The following RBFOX1 variants were observed in gnomAD, a reference collection of about 807,000 sequenced individuals.
RBFOX1 encodes RNA binding protein fox-1 homolog 1.
A neutral mutation model predicts 57.7 loss-of-function variants in RBFOX1; 8 were observed. That is an observed-to-expected ratio of 0.14 (90% CI 0.08 to 0.25). RBFOX1 has a LOEUF of 0.25. RBFOX1 is among the 10% of genes least tolerant of loss of function. The probability of loss-of-function intolerance (pLI) is 1.00; values close to 1 mark genes in which losing one functional copy is unlikely to be tolerated. For synonymous variants in RBFOX1, 326 were observed against 222.4 expected (o/e 1.47, Z -4.15); for missense variants, 611 against 548.5 (o/e 1.11, Z -1.14).
intron 3 of RBFOX1, among the ~76,000 whole-genome samples, chr16:6,788,020 C>T (rs1033184691): frequency 2.6e-5 from 4 of 151,962 alleles, no homozygotes; most frequent in Non-Finnish European, 2.9e-5. Context: ...GTCAGGAGTT[C>T]GAGACCAGCC....
chr16:5,949,921 G>C (rs1408569610), intron 4 of RBFOX1, among the ~76,000 whole-genome samples: 2 of 152,130 alleles, frequency 1.3e-5, no homozygotes, highest in Non-Finnish European at 2.9e-5. Flanking sequence ...CATAATCTGG[G>C]CCTCTCTGAC....
At chr16:6,923,884 C>G (rs376360528) in intron 3 of RBFOX1, among the ~76,000 whole-genome samples, 13 of 152,090 alleles carry the variant, frequency 8.5e-5, no homozygotes, top group African/African-American at 2.9e-4. Flanking sequence ...AAAGAAATAC[C>G]TGAAGGTCAG....
chr16:6,429,097 T>C (rs2094007645), intron 2 of RBFOX1, among the ~76,000 whole-genome samples: 1 of 152,176 alleles, frequency 6.6e-6, no homozygotes, highest in South Asian at 2.1e-4. Context: ...TGTGGGGGAT[T>C]AAGGAGCATA....
chr16:6,932,113 T>G lies in RBFOX1; in HGVS notation c.-15-119944T>G, dbSNP rs74588335. On this transcript the variant is annotated intron_variant, in intron 3 of 15. Transcript: ENST00000550418. ...GTTGTTGTTGTTTTTTGTTGCTGTT[T>G]TTGTTTTTTCAGATGGCATCCCATC... Among the ~76,000 whole-genome samples the G allele has an allele frequency of 6.4e-3, 978 of 152,246 alleles. 14 individuals are homozygous for G. The highest frequency in any genetic ancestry group is 0.023 in the African/African-American group (935 of 41,550).
intron 2 of RBFOX1, among the ~76,000 whole-genome samples, chr16:6,653,236 C>T (rs1165258204): frequency 6.6e-6 from 1 of 152,110 alleles, no homozygotes; most frequent in African/African-American, 2.4e-5. Context: ...ATTTCCCACC[C>T]CCTTCTCCTT....
In RBFOX1 at chr16:6,019,382, G is replaced by C. The variant is rs549768290; in HGVS notation, c.-737G>C. ...GTGGGACTGGCTGCGCTGCCCTGAAGTGGTTCTCCAAGCAGCGCGGAGGGT... is the reference window on the plus strand; with the variant it reads ...GTGGGACTGGCTGCGCTGCCCTGAACTGGTTCTCCAAGCAGCGCGGAGGGT... On this transcript the variant is annotated 5_prime_UTR_variant, in exon 1 of 16. Coordinates refer to ENST00000550418, the MANE Select transcript of RBFOX1 (RefSeq NM_018723.4). The surrounding 1 kb of genome is among the most constrained non-coding windows in gnomAD (Gnocchi z 4.2). The C allele has an allele frequency of 2.6e-4, 258 of 985,850 alleles. 1 individual carries two copies. In the African/African-American group the frequency reaches 4.2e-3, roughly 16 times the overall value. 61.1% of individuals were successfully genotyped at this position (985,850 alleles called of 1,614,324 possible).
rs369364823 is a variant in RBFOX1, at chr16:5,620,110, G to A, written c.318+21149G>A. 4.6e-5 allele frequency among the ~76,000 whole-genome samples: 7 copies of A among 152,202 alleles called. No individual in the cohort carries two copies. In the East Asian group the frequency reaches 1.4e-3, roughly 29 times the overall value. On this transcript the variant is annotated intron_variant, in intron 3 of 19. Coordinates refer to the RBFOX1 transcript ENST00000641259. The stretch of plus-strand genomic sequence containing the variant: ...TTACTTTCCTAGTTCAGCAGAAAGT[G>A]AACATTACAGTCAGGTGGCAATGTT...
At chr16:5,845,173 T>C (rs1057225083) in intron 3 of RBFOX1, among the ~76,000 whole-genome samples, 1 of 151,658 alleles carries the variant, frequency 6.6e-6, no homozygotes, top group South Asian at 2.1e-4. Context: ...ACAGGAGATG[T>C]AGGACAGCAA....
intron 2 of RBFOX1, chr16:6,483,301 C>A: frequency 7.2e-7 from 1 of 1,398,558 alleles, no homozygotes; most frequent in African/African-American, 1.5e-5. Flanking sequence ...TGCTCGCTCT[C>A]GCGCCCGCGC....
rs542292985 is a variant in RBFOX1, at chr16:5,908,099, C to CAT, written c.351+40774_351+40775dup. Among the ~76,000 whole-genome samples, 611 of 137,670 alleles carry CAT rather than the reference C, an allele frequency of 4.4e-3. 11 individuals are homozygous for CAT. The highest frequency in any genetic ancestry group is 6.0e-3 in the Non-Finnish European group (400 of 66,554). 90.3% of individuals were successfully genotyped at this position (137,670 alleles called of 152,430 possible). On this transcript the variant is annotated intron_variant, in intron 4 of 19. Transcript: ENST00000641259. ...ATATATATATATACACATATATACA[C>CAT]ATATATATATACACATATATACACA... is the stretch of plus-strand genomic sequence containing the variant.
chr16:6,997,586 A>G (rs74431846), intron 3 of RBFOX1, among the ~76,000 whole-genome samples: 10,584 of 152,264 alleles, frequency 0.07, 1,197 homozygotes, highest in African/African-American at 0.24. Flanking sequence ...TTTAAGATAC[A>G]AAAGATAGAC....
intron 4 of RBFOX1, among the ~76,000 whole-genome samples, chr16:7,209,651 A>G (rs1259008434): frequency 6.6e-6 from 1 of 152,170 alleles, no homozygotes; most frequent in African/African-American, 2.4e-5. Flanking sequence ...TTGAGCACTT[A>G]AGTCGCATTT....
chr16:5,796,564 C>T (rs1473909363), intron 3 of RBFOX1, among the ~76,000 whole-genome samples: 1 of 102,078 alleles, frequency 9.8e-6, no homozygotes, highest in African/African-American at 5.8e-5. Flanking sequence ...TGTCTCCACA[C>T]CCTGATGATG....
chr16:6,175,388 C>CATT (rs1391890261), intron 1 of RBFOX1, among the ~76,000 whole-genome samples: 6 of 152,064 alleles, frequency 3.9e-5, no homozygotes, highest in Non-Finnish European at 7.4e-5. Flanking sequence ...TTATGATGCG[C>CATT]ATTAGTATGT....
intron 4 of RBFOX1, among the ~76,000 whole-genome samples, chr16:5,966,298 G>A (rs1043603242): frequency 2.6e-5 from 4 of 152,134 alleles, no homozygotes; most frequent in Non-Finnish European, 1.5e-5. Context: ...GGTTTCATTG[G>A]CTCATGGTTC....
Position 7,305,906 on chromosome 16 carries a change from T to C in RBFOX1, c.28-212241T>C, listed in dbSNP as rs555133849. ...TATGCTTCATCTTCCACAATTTCTG[T>C]GCCTTTGCTGTGGGTGTGTGTGTAA... On this transcript the variant is annotated intron_variant, in intron 4 of 15. Coordinates refer to ENST00000550418, the MANE Select transcript of RBFOX1 (RefSeq NM_018723.4). Among the ~76,000 whole-genome samples the C allele has an allele frequency of 1.3e-3, 194 of 152,334 alleles. 1 individual carries two copies. The highest frequency in any genetic ancestry group is 3.4e-3 in the Middle Eastern group (1 of 294).
intron 4 of RBFOX1, among the ~76,000 whole-genome samples, chr16:7,086,817 G>C (rs1056665121): frequency 6.6e-6 from 1 of 152,082 alleles, no homozygotes; most frequent in African/African-American, 2.4e-5. Flanking sequence ...ATTCATGCTA[G>C]CAAGTCTTCT....
chr16:7,312,511 G>A (rs1420820949), intron 4 of RBFOX1, among the ~76,000 whole-genome samples: 1 of 152,084 alleles, frequency 6.6e-6, no homozygotes, highest in Non-Finnish European at 1.5e-5. Flanking sequence ...TACACCCATG[G>A]CCTGCCAAGG....
intron 4 of RBFOX1, among the ~76,000 whole-genome samples, chr16:7,480,525 A>T (rs2063681180): frequency 6.6e-6 from 1 of 152,264 alleles, no homozygotes. Context: ...GTTTAAAAAA[A>T]TACATATATG....
Sources: allele counts gnomAD v4.1 joint callset (sites outside exome capture counted in the v4.1 genomes callset), GRCh38; gene constraint gnomAD v4.1.1; non-coding constraint Gnocchi (gnomAD v3.1); transcripts MANE v1.5; gene names NCBI Gene and HGNC (gene_info 2026-07-23, HGNC 2026-07-21).